SH3GL2: variants seen among roughly 807,000 people sequenced by gnomAD.
SH3GL2 encodes SH3 domain containing GRB2 like 2, endophilin A1.
In SH3GL2, 24 loss-of-function variants were observed where a neutral mutation model predicts 46.0. The ratio of observed to expected loss-of-function variants is 0.52; its 90% CI spans 0.38 to 0.73. The LOEUF (loss-of-function observed/expected upper bound fraction) is 0.73, where lower values mean the gene tolerates loss of function less well. Among genes scored for constraint, SH3GL2 ranks in the 30% least tolerant of loss-of-function variants. SH3GL2 has a pLI of 0.00. For missense variants in SH3GL2, 413 were observed against 424.2 expected, an observed-to-expected ratio of 0.97 and a Z score of 0.23; for synonymous variants, 196 against 147.1, an observed-to-expected ratio of 1.33 and a Z score of -2.40.
At chr9:17,616,973 C>T (rs1322869658) in intron 1 of SH3GL2, among the ~76,000 whole-genome samples, 2 of 152,162 alleles carry the variant, frequency 1.3e-5, no homozygotes, top group Admixed American at 1.3e-4. Flanking sequence ...ACCATGTTTT[C>T]CTAAAGACAG....
At chr9:17,794,665 G>C (rs193219099) in intron 8 of SH3GL2, among the ~76,000 whole-genome samples, 24 of 152,304 alleles carry the variant, frequency 1.6e-4, no homozygotes, top group African/African-American at 5.8e-4. Context: ...GTCTGAGTCT[G>C]TATCTACATG....
intron 1 of SH3GL2, among the ~76,000 whole-genome samples, chr9:17,715,418 A>G (rs1386825282): frequency 6.6e-6 from 1 of 151,118 alleles, no homozygotes; most frequent in Non-Finnish European, 1.5e-5. Flanking sequence ...TCTCTCTCCA[A>G]TTCTTCTCTC....
intron 1 of SH3GL2, among the ~76,000 whole-genome samples, chr9:17,642,681 C>T (rs1819713036): frequency 6.6e-6 from 1 of 152,106 alleles, no homozygotes; most frequent in African/African-American, 2.4e-5. Context: ...GGTGCTATTT[C>T]TGAGGGCTCT....
chr9:17,596,515 A>G (rs1333323335), intron 1 of SH3GL2, among the ~76,000 whole-genome samples: 2 of 152,174 alleles, frequency 1.3e-5, no homozygotes, highest in African/African-American at 4.8e-5. Context: ...CCCTTAGGCC[A>G]CGAGTCTCCT....
At chr9:17,656,529 C>G (rs1457819292) in intron 1 of SH3GL2, among the ~76,000 whole-genome samples, 1 of 151,942 alleles carries the variant, frequency 6.6e-6, no homozygotes, top group Non-Finnish European at 1.5e-5. Context: ...TACAATATCA[C>G]AAGTAATTAA....
chr9:17,623,060 T>G, intron 1 of SH3GL2, among the ~76,000 whole-genome samples: 1 of 110,600 alleles, frequency 9.0e-6, no homozygotes, highest in Non-Finnish European at 1.9e-5. Flanking sequence ...CCCCTTCCCC[T>G]TCCCCTTCCC....
At chr9:17,615,689 C>G (rs991685719) in intron 1 of SH3GL2, among the ~76,000 whole-genome samples, 2 of 150,428 alleles carry the variant, frequency 1.3e-5, no homozygotes, top group East Asian at 3.9e-4. Flanking sequence ...AAAAAATTCC[C>G]CTCGTTAATA....
At position 17,684,795 on chromosome 9, in the gene SH3GL2, G is replaced by C. The variant is rs181948377; in HGVS notation, c.46-62271G>C. On this transcript the variant is annotated intron_variant, in intron 1 of 8. Transcript: ENST00000380607. Reference sequence around the variant, plus strand: ...ATTAGGTAAGGTTACAGTGTTAACAGAATAAACTGTCAACCCAGATTCCTA... The same window carrying C: ...ATTAGGTAAGGTTACAGTGTTAACACAATAAACTGTCAACCCAGATTCCTA... Among the ~76,000 whole-genome samples the C allele has an allele frequency of 1.2e-4, 19 of 152,196 alleles. No homozygotes were observed. The East Asian group carries it at 2.3e-3, about 19-fold the overall frequency.
chr9:17,785,183 T>G (rs1823918478), intron 3 of SH3GL2, among the ~76,000 whole-genome samples: 2 of 152,194 alleles, frequency 1.3e-5, no homozygotes, highest in African/African-American at 4.8e-5. Context: ...CAGGAATCCT[T>G]TGCGATGCCC....
intron 1 of SH3GL2, among the ~76,000 whole-genome samples, chr9:17,707,815 G>A (rs1163111106): frequency 6.6e-6 from 1 of 151,924 alleles, no homozygotes; most frequent in Non-Finnish European, 1.5e-5. Flanking sequence ...ATTTGCTACC[G>A]ATAATAAAAA....
chr9:17,626,215 T>G (rs1404994105), intron 1 of SH3GL2, among the ~76,000 whole-genome samples: 4 of 152,178 alleles, frequency 2.6e-5, no homozygotes, highest in Non-Finnish European at 4.4e-5. Flanking sequence ...GGCACCTGCT[T>G]CTTTTATTGC....
At chr9:17,655,049 C>T (rs1482201263) in intron 1 of SH3GL2, among the ~76,000 whole-genome samples, 2 of 152,062 alleles carry the variant, frequency 1.3e-5, no homozygotes, top group East Asian at 3.9e-4. Flanking sequence ...CCCTCAGCAG[C>T]GAGAGATGAG....
At chr9:17,633,897 G>C (rs1179079292) in intron 1 of SH3GL2, among the ~76,000 whole-genome samples, 1 of 152,176 alleles carries the variant, frequency 6.6e-6, no homozygotes, top group African/African-American at 2.4e-5. Flanking sequence ...TTTGAGTTAT[G>C]CAAGTGTGCC....
chr9:17,767,335 G>C (rs1214402001), intron 3 of SH3GL2, among the ~76,000 whole-genome samples: 1 of 152,174 alleles, frequency 6.6e-6, no homozygotes, highest in South Asian at 2.1e-4. Flanking sequence ...AGCTGTATTA[G>C]TTTCAAAATG....
At chr9:17,660,896 T>C (rs1820196122) in intron 1 of SH3GL2, among the ~76,000 whole-genome samples, 1 of 152,180 alleles carries the variant, frequency 6.6e-6, no homozygotes, top group African/African-American at 2.4e-5. Flanking sequence ...GCACAGTGGC[T>C]CACGCCTGTA....
intron 3 of SH3GL2, among the ~76,000 whole-genome samples, chr9:17,764,227 G>A (rs1025884620): frequency 3.9e-5 from 6 of 152,154 alleles, no homozygotes; most frequent in Admixed American, 3.3e-4. Flanking sequence ...GAAGAGTCCA[G>A]AACAAAACGA....
chr9:17,720,205 A>C (rs1821860472), intron 1 of SH3GL2, among the ~76,000 whole-genome samples: 1 of 152,184 alleles, frequency 6.6e-6, no homozygotes, highest in Admixed American at 6.6e-5. Flanking sequence ...GTCCCAAAAG[A>C]GAATTAACTG....
chr9:17,618,358 G>C (rs117877945), intron 1 of SH3GL2, among the ~76,000 whole-genome samples: 2 of 152,182 alleles, frequency 1.3e-5, no homozygotes, highest in Non-Finnish European at 2.9e-5. Flanking sequence ...CAGGGTTGGA[G>C]AGTTAGGAAA....
At chr9:17,679,178 G>T (rs572789975) in intron 1 of SH3GL2, among the ~76,000 whole-genome samples, 1 of 152,252 alleles carries the variant, frequency 6.6e-6, no homozygotes, top group East Asian at 1.9e-4. Context: ...GAAAGTCATT[G>T]GTAGCTTGAT....
Sources: allele counts gnomAD v4.1 joint callset (sites outside exome capture counted in the v4.1 genomes callset), GRCh38; gene constraint gnomAD v4.1.1; transcripts MANE v1.5; gene names NCBI Gene and HGNC (gene_info 2026-07-23, HGNC 2026-07-21).